The following PRKAA2 variants were observed in gnomAD, a reference collection of about 807,000 sequenced individuals.
The protein encoded by PRKAA2 is 5'-AMP-activated protein kinase catalytic subunit alpha-2.
In PRKAA2, 40 loss-of-function variants were observed where a neutral mutation model predicts 56.3. That is an observed-to-expected ratio of 0.71 (90% CI 0.55 to 0.92). The LOEUF is 0.92. Among genes scored for constraint, PRKAA2 ranks in the 40% least tolerant of loss-of-function variants. The pLI, the probability that PRKAA2 is intolerant of heterozygous loss-of-function variation, is 0.00. For synonymous variants in PRKAA2, 214 were observed against 234.2 expected (o/e 0.91, Z 0.79); for missense variants, 542 against 686.9 (o/e 0.79, Z 2.36).
chr1:56,694,119 AG>A (rs543179181), intron 5 of PRKAA2, among the ~76,000 whole-genome samples: 46 of 152,344 alleles, frequency 3.0e-4, no homozygotes, highest in Admixed American at 1.2e-3. Context: ...ATTTTACAAA[AG>A]TGCAGATAAG....
At position 56,713,590 on chromosome 1, in the gene PRKAA2, A is replaced by G. The variant is rs1466366809; in HGVS notation, c.*5877A>G. On this transcript the variant is annotated 3_prime_UTR_variant, in exon 9 of 9. Transcript: ENST00000371244. ...ATGAAAACTTTTTTGAATAATACGT[A>G]GAATTTTGACAAGGTTCATACAGTG... 6.6e-6 allele frequency: 1 copy of G among 152,092 alleles called. No individual in the cohort carries two copies. 9.4% of individuals were successfully genotyped at this position (152,092 alleles called of 1,614,324 possible). A position where few individuals can be genotyped will look rare whatever the true frequency, so the allele number is the denominator to read the frequency against.
chr1:56,652,277 C>T (rs1643907975), intron 1 of PRKAA2, among the ~76,000 whole-genome samples: 1 of 152,138 alleles, frequency 6.6e-6, no homozygotes, highest in South Asian at 2.1e-4. Context: ...TCCCAAAGTG[C>T]TGGGAGTAAA....
chr1:56,691,601 C>A, intron 3 of PRKAA2, 114 bp downstream of exon 3: 1 of 623,362 alleles, frequency 1.6e-6, no homozygotes, highest in Non-Finnish European at 2.5e-6. Context: ...TATGGTAGTG[C>A]TCAACTAAAC....
chr1:56,658,177 C>A (rs1307001659), intron 1 of PRKAA2, among the ~76,000 whole-genome samples: 1 of 152,104 alleles, frequency 6.6e-6, no homozygotes, highest in Non-Finnish European at 1.5e-5. Context: ...AAACACAGAT[C>A]ATGTTTCTTA....
chr1:56,645,509 C>G, intron 1 of PRKAA2, 28 bp downstream of exon 1: 1 of 1,447,358 alleles, frequency 6.9e-7, no homozygotes, highest in South Asian at 1.3e-5. Flanking sequence ...GACCGCTGTG[C>G]GGGGCTGCCT....
Position 56,705,076 on chromosome 1 carries a change from T to A in PRKAA2, c.1293+601T>A, listed in dbSNP as rs368618537. Among the ~76,000 whole-genome samples the A allele has an allele frequency of 1.1e-4, 16 of 152,274 alleles. No individual in the cohort carries two copies. The South Asian group carries it at 3.3e-3, about 32-fold the overall frequency. On this transcript the variant is annotated intron_variant, in intron 7 of 8. Coordinates refer to ENST00000371244, the MANE Select transcript of PRKAA2 (RefSeq NM_006252.4). ...TTGAATATATGTGTGGGGAGGGGCA[T>A]TTTTTCTTTTCAGATATGCCTTTCA...
At chr1:56,652,825 T>C (rs1264549943) in intron 1 of PRKAA2, among the ~76,000 whole-genome samples, 3 of 152,218 alleles carry the variant, frequency 2.0e-5, no homozygotes, top group Non-Finnish European at 1.5e-5. Flanking sequence ...TTACTTTCCA[T>C]TGAAATGCCT....
chr1:56,692,820 A>C (rs910366061), intron 4 of PRKAA2, among the ~76,000 whole-genome samples: 12 of 144,892 alleles, frequency 8.3e-5, no homozygotes, highest in Non-Finnish European at 1.6e-4. Flanking sequence ...AGAGGGGAGG[A>C]GTCCCAGACT....
At chr1:56,692,940 C>G (rs1481468296) in intron 4 of PRKAA2, among the ~76,000 whole-genome samples, 1 of 152,106 alleles carries the variant, frequency 6.6e-6, no homozygotes, top group Non-Finnish European at 1.5e-5. Context: ...AACTGATCCA[C>G]AAAGAGGTCC....
intron 1 of PRKAA2, among the ~76,000 whole-genome samples, chr1:56,664,933 G>T (rs930238897): frequency 1.3e-5 from 2 of 149,990 alleles, no homozygotes; most frequent in South Asian, 2.1e-4. Flanking sequence ...TATGAGGCAC[G>T]CATTACCATT....
In PRKAA2 at chr1:56,712,500, T is replaced by C. The variant is rs1644375163; in HGVS notation, c.*4787T>C. ...GGTGCTTAAAAATGCTGAAGAAACT[T>C]TAAAACATGATTCTTCTTATAATTT... On this transcript the variant is annotated 3_prime_UTR_variant, in exon 9 of 9. Coordinates refer to ENST00000371244, the MANE Select transcript of PRKAA2 (RefSeq NM_006252.4). 6.6e-6 allele frequency: 1 copy of C among 152,206 alleles called. No homozygotes were observed. The highest frequency in any genetic ancestry group is 1.5e-5 in the Non-Finnish European group (1 of 68,036). 9.4% of individuals were successfully genotyped at this position (152,206 alleles called of 1,614,324 possible).
intron 1 of PRKAA2, among the ~76,000 whole-genome samples, chr1:56,666,991 T>A (rs1357207762): frequency 6.6e-6 from 1 of 152,166 alleles, no homozygotes; most frequent in Non-Finnish European, 1.5e-5. Context: ...AATTCTTGAA[T>A]CTTCCCCTTG....
chr1:56,661,814 T>C (rs2100390859), intron 1 of PRKAA2, among the ~76,000 whole-genome samples: 1 of 152,210 alleles, frequency 6.6e-6, no homozygotes, highest in Non-Finnish European at 1.5e-5. Context: ...TTTATTGTTA[T>C]TTAAGTTGTT....
rs1306668208 is a variant in PRKAA2, at chr1:56,709,663, A to G, written c.*1950A>G. ...GATTATGAATGGAATTACCTTAGAA[A>G]TAAGGAACTAATCAGATTACTTAAC... On this transcript the variant is annotated 3_prime_UTR_variant, in exon 9 of 9. Transcript: ENST00000371244. The G allele has an allele frequency of 3.9e-5, 6 of 152,106 alleles. No homozygotes were observed. Among genetic ancestry groups the G allele is most frequent in the African/African-American group, 1.4e-4 (6 of 41,430 alleles). The allele number at this position is 152,106 out of a possible 1,614,324, so 9.4% of individuals were successfully genotyped here. A position where few individuals can be genotyped will look rare whatever the true frequency, so the allele number is the denominator to read the frequency against.
At chr1:56,673,313 G>T (rs1029622293) in intron 1 of PRKAA2, among the ~76,000 whole-genome samples, 6 of 152,128 alleles carry the variant, frequency 3.9e-5, no homozygotes, top group African/African-American at 1.4e-4. Context: ...GGTTGAGGCT[G>T]CAGTGAGCTA....
chr1:56,666,764 A>G lies in PRKAA2; in HGVS notation c.95-7617A>G, dbSNP rs138791920. 1.4e-3 allele frequency among the ~76,000 whole-genome samples: 206 copies of G among 152,330 alleles called. 1 individual carries two copies. Among genetic ancestry groups the G allele is most frequent in the African/African-American group, 4.7e-3 (194 of 41,578 alleles). ...AAGACAGGCAGAGACATATATATGT[A>G]TTATATAAATACTTTATGTATACCT... On this transcript the variant is annotated intron_variant, in intron 1 of 8. Transcript: ENST00000371244.
At chr1:56,664,338 C>T (rs1036167503) in intron 1 of PRKAA2, among the ~76,000 whole-genome samples, 2 of 152,114 alleles carry the variant, frequency 1.3e-5, no homozygotes, top group African/African-American at 4.8e-5. Flanking sequence ...GTGCCTCAAA[C>T]TAGATCCTGT....
At chr1:56,658,692 A>G (rs573068148) in intron 1 of PRKAA2, among the ~76,000 whole-genome samples, 321 of 149,546 alleles carry the variant, frequency 2.1e-3, no homozygotes, top group Non-Finnish European at 3.7e-3. Flanking sequence ...GCTCACTGTA[A>G]TCTCGAACTC....
At chr1:56,680,923 G>T (rs1644149238) in intron 2 of PRKAA2, among the ~76,000 whole-genome samples, 1 of 152,200 alleles carries the variant, frequency 6.6e-6, no homozygotes, top group African/African-American at 2.4e-5. Flanking sequence ...GATCCTTGAG[G>T]AATCACCACA....
Sources: gnomAD v4.1 joint callset for allele counts (sites outside exome capture counted in the v4.1 genomes callset) on GRCh38, gnomAD v4.1.1 for gene constraint, MANE v1.5 for transcripts, NCBI Gene and HGNC (gene_info 2026-07-23, HGNC 2026-07-21) for gene names.